Variants in PHF3 observed in about 807,000 individuals in gnomAD.
PHF3 encodes the protein PHD finger protein 3.
A neutral mutation model predicts 178.4 loss-of-function variants in PHF3; 41 were observed. The observed-to-expected ratio is 0.23, with a 90% CI of 0.18 to 0.30. PHF3 has a LOEUF of 0.30. PHF3 is among the 10% of genes least tolerant of loss of function. The pLI, the probability that PHF3 is intolerant of heterozygous loss-of-function variation, is 1.00. For synonymous variants in PHF3, 842 were observed against 800.5 expected (o/e 1.05, Z -0.88); for missense variants, 2,346 against 2,398.1 (o/e 0.98, Z 0.45).
intron 2 of PHF3, among the ~76,000 whole-genome samples, chr6:63,650,130 T>C (rs1268534868): frequency 6.6e-6 from 1 of 152,218 alleles, no homozygotes. Context: ...TTTTACAATA[T>C]AGTTCAACAT....
chr6:63,695,801 T>TTAGA, intron 6 of PHF3, among the ~76,000 whole-genome samples: 1 of 152,070 alleles, frequency 6.6e-6, no homozygotes, highest in Non-Finnish European at 1.5e-5. Context: ...TGCTGATGGG[T>TTAGA]TAGATATAGG....
rs554063816 is a variant in PHF3, at chr6:63,698,307, C to A, written c.2765C>A (p.Pro922His). 1 of 1,612,884 alleles carries A rather than the reference C, an allele frequency of 6.2e-7. No homozygotes were observed. Among genetic ancestry groups the A allele is most frequent in the Non-Finnish European group, 8.5e-7 (1 of 1,179,114 alleles). Reference protein sequence around the residue: ...NVHPAASASKPSADQIRQSVR... With the variant: ...NVHPAASASKHSADQIRQSVR... ...CATCCTGCTGCTTCTGCTTCCAAGCCTTCTGCAGATCAGATCAGGCAAAGT... is the reference window on the plus strand; with the variant it reads ...CATCCTGCTGCTTCTGCTTCCAAGCATTCTGCAGATCAGATCAGGCAAAGT... The change falls in exon 7 of 16, where the codon CCT becomes CAT. Residue 922 changes from proline (P) to histidine (H), a missense_variant. Around this residue, in one of 8 missense-constraint regions of PHF3, gnomAD observed 252 missense variants for 232.0 expected, o/e 1.09. Coordinates refer to ENST00000262043, the MANE Select transcript of PHF3 (RefSeq NM_001370348.2).
At chr6:63,673,015 A>AT (rs954706488) in intron 2 of PHF3, among the ~76,000 whole-genome samples, 44 of 152,246 alleles carry the variant, frequency 2.9e-4, no homozygotes, top group Middle Eastern at 3.4e-3. Context: ...GGGCTGCCTG[A>AT]TTCATGAGTT....
Position 63,713,769 on chromosome 6 carries a change from CAAAA to C in PHF3, c.*62_*65del, listed in dbSNP as rs1224526448. On this transcript the variant is annotated 3_prime_UTR_variant, in exon 16 of 16. Coordinates refer to ENST00000262043, the MANE Select transcript of PHF3 (RefSeq NM_001370348.2). ...CTGTTAAAATGTTGTATCTTGTAAA[CAAAA>C]GAAAGATTGCCTGCTAGGATTGTGC... 4.5e-5 allele frequency: 61 copies of C among 1,343,918 alleles called. No individual in the cohort carries two copies. Among genetic ancestry groups the C allele is most frequent in the Middle Eastern group, 1.9e-4 (1 of 5,302 alleles). The allele number at this position is 1,343,918 out of a possible 1,614,324, so 83.2% of individuals were successfully genotyped here.
intron 1 of PHF3, among the ~76,000 whole-genome samples, chr6:63,642,061 C>CT (rs1327930557): frequency 3.9e-5 from 6 of 152,148 alleles, no homozygotes; most frequent in African/African-American, 1.4e-4. Context: ...GTATAATTCT[C>CT]TGAGAATTAC....
Position 63,723,022 on chromosome 6 carries a change from C to T in PHF3, c.*9314C>T, listed in dbSNP as rs1198055013. On this transcript the variant is annotated 3_prime_UTR_variant, in exon 16 of 16. Transcript: ENST00000262043. ...GTTTGGTTTGGTCCAACAGTTGATT[C>T]CCAGCACCCAAAACGGTATCTGGCC... Among the ~76,000 whole-genome samples, 2 of 152,138 alleles carry T rather than the reference C, an allele frequency of 1.3e-5. No homozygotes were observed. The highest frequency in any genetic ancestry group is 4.8e-5 in the African/African-American group (2 of 41,430).
At position 63,721,494 on chromosome 6, in the gene PHF3, C is replaced by T. The variant is rs2149625131; in HGVS notation, c.*7786C>T. ...ATTTATGATAACTTGTCGGATACAGCCTTGAAAACCTACAGGTTCATTTTC... is the reference window on the plus strand; with the variant it reads ...ATTTATGATAACTTGTCGGATACAGTCTTGAAAACCTACAGGTTCATTTTC... On this transcript the variant is annotated 3_prime_UTR_variant, in exon 16 of 16. Transcript: ENST00000262043. 6.4e-7 allele frequency: 1 copy of T among 1,551,330 alleles called. No homozygotes were observed. Among genetic ancestry groups the T allele is most frequent in the Non-Finnish European group, 8.7e-7 (1 of 1,146,630 alleles).
At position 63,713,397 on chromosome 6, in the gene PHF3, A is replaced by C; in HGVS notation, c.5809A>C (p.Lys1937Gln). ...SHHLKRERHE[K>Q]EWEQESERHR... Reference sequence around the variant, plus strand: ...CCATTTGAAAAGAGAGCGACATGAAAAGGAATGGGAGCAAGAATCTGAAAG... The same window carrying C: ...CCATTTGAAAAGAGAGCGACATGAACAGGAATGGGAGCAAGAATCTGAAAG... The change falls in exon 16 of 16, where the codon AAG becomes CAG. Residue 1937 changes from lysine (K) to glutamine (Q), a missense_variant. By Grantham distance (53) the Lys-to-Gln change is moderately conservative. Transcript: ENST00000262043. The C allele has an allele frequency of 6.2e-7, 1 of 1,614,058 alleles. No homozygotes were observed. The highest frequency in any genetic ancestry group is 8.5e-7 in the Non-Finnish European group (1 of 1,179,988).
chr6:63,656,642 C>G (rs1016468050), intron 2 of PHF3, among the ~76,000 whole-genome samples: 14 of 152,206 alleles, frequency 9.2e-5, no homozygotes, highest in Non-Finnish European at 1.8e-4. Context: ...TCTTCTGTCT[C>G]TGAGCTTTAC....
chr6:63,694,529 C>T, intron 5 of PHF3, 52 bp from the exon 6 acceptor site: 2 of 1,271,606 alleles, frequency 1.6e-6, no homozygotes, highest in Non-Finnish European at 2.1e-6. Flanking sequence ...TCTTAAAAAA[C>T]AAAGATTGTT....
intron 2 of PHF3, among the ~76,000 whole-genome samples, chr6:63,678,486 A>C (rs1009752667): frequency 6.6e-6 from 1 of 152,210 alleles, no homozygotes; most frequent in African/African-American, 2.4e-5. Flanking sequence ...TATAGCAGGA[A>C]ATTTGGAAAA....
chr6:63,685,143 A>C lies in PHF3; in HGVS notation c.1421A>C (p.Gln474Pro). ...TANLQDDRNS[Q>P]SSSVSYLESK... The stretch of plus-strand genomic sequence containing the variant: ...AACCTTCAGGATGACAGAAACAGCC[A>C]GTCAAGTAGCGTTTCTTACTTAGAG... Residue 474 changes from glutamine to proline, a missense_variant, in exon 4 of 16, where the codon CAG (glutamine) becomes CCG (proline). Around this residue, in one of 8 missense-constraint regions of PHF3, gnomAD observed 843 missense variants for 795.2 expected, o/e 1.06. Coordinates refer to ENST00000262043, the MANE Select transcript of PHF3 (RefSeq NM_001370348.2). 1 of 1,614,108 alleles carries C rather than the reference A, an allele frequency of 6.2e-7. No homozygotes were observed. Among genetic ancestry groups the C allele is most frequent in the Non-Finnish European group, 8.5e-7 (1 of 1,180,022 alleles).
In PHF3 at chr6:63,684,120, CT is replaced by C. The variant is rs746928219; in HGVS notation, c.407-8del. The C allele has an allele frequency of 7.2e-6, 11 of 1,523,902 alleles. No individual in the cohort carries two copies. The highest frequency in any genetic ancestry group is 4.8e-5 in the South Asian group (4 of 83,724). The allele number at this position is 1,523,902 out of a possible 1,614,324, so 94.4% of individuals were successfully genotyped here. A position where few individuals can be genotyped will look rare whatever the true frequency, so the allele number is the denominator to read the frequency against. ...AAGTATTTTTATTTATTTTTTCCCC[CT>C]GTGATAGAACAAGTAAGAAGTTTGC... On this transcript the variant is annotated splice_region_variant and splice_polypyrimidine_tract_variant and intron_variant, in intron 3 of 15. Coordinates refer to ENST00000262043, the MANE Select transcript of PHF3 (RefSeq NM_001370348.2).
Position 63,698,541 on chromosome 6 carries a change from C to T in PHF3, c.2918C>T (p.Thr973Ile). 1 of 1,598,682 alleles carries T rather than the reference C, an allele frequency of 6.3e-7. No homozygotes were observed. Among genetic ancestry groups the T allele is most frequent in the Admixed American group, 1.8e-5 (1 of 56,570 alleles). Residue 973 changes from threonine to isoleucine, a missense_variant, in exon 8 of 16, where the codon ACA becomes ATA. Physicochemically the swap from Thr to Ile is moderately conservative, Grantham distance 89 (BLOSUM62 -1). Transcript: ENST00000262043. ...EKELFSFFRD[T>I]DAKYKNKYRS... ...GAGCTTTTCTCTTTTTTTCGGGACA[C>T]AGATGCTAAATATAAGAACAAATAT...
At position 63,684,356 on chromosome 6, in the gene PHF3, G is replaced by A; in HGVS notation, c.634G>A (p.Glu212Lys). Residue 212 changes from glutamate (E) to lysine (K), a missense_variant, in exon 4 of 16, where the codon GAA (glutamate) becomes AAA (lysine). Transcript: ENST00000262043. ...TAGCGGACAAATTGAAGTGGTACCTGAAGTATCAGTGTCTTCAAGTCATTC... is the reference window on the plus strand; with the variant it reads ...TAGCGGACAAATTGAAGTGGTACCTAAAGTATCAGTGTCTTCAAGTCATTC... ...RNSGQIEVVP[E>K]VSVSSSHSSV... 6.2e-7 allele frequency: 1 copy of A among 1,613,918 alleles called. No individual in the cohort carries two copies. The highest frequency in any genetic ancestry group is 8.5e-7 in the Non-Finnish European group (1 of 1,179,832).
chr6:63,665,217 A>G (rs956264194), intron 2 of PHF3, among the ~76,000 whole-genome samples: 1 of 152,132 alleles, frequency 6.6e-6, no homozygotes, highest in African/African-American at 2.4e-5. Flanking sequence ...TATCACTAAA[A>G]TATCATTTTA....
At position 63,714,093 on chromosome 6, in the gene PHF3, A is replaced by G. The variant is rs1319130747; in HGVS notation, c.*385A>G. ...TTATATAATGACTAATTTGGGAGTA[A>G]TGTGTGCTCTGTAAGTTTGTTTTAA... On this transcript the variant is annotated 3_prime_UTR_variant, in exon 16 of 16. Coordinates refer to ENST00000262043, the MANE Select transcript of PHF3 (RefSeq NM_001370348.2). 2 of 157,864 alleles carry G rather than the reference A, an allele frequency of 1.3e-5. No homozygotes were observed. Among genetic ancestry groups the G allele is most frequent in the African/African-American group, 4.8e-5 (2 of 41,620 alleles). The allele number at this position is 157,864 out of a possible 1,614,324, so 9.8% of individuals were successfully genotyped here.
At position 63,636,093 on chromosome 6, in the gene PHF3, G is replaced by GGCA. The variant is rs1581976343; in HGVS notation, c.-80_-78dup. The stretch of plus-strand genomic sequence containing the variant: ...CCCCCTCCTCCTCCTCTTCGGCGGC[G>GGCA]GCAGCGTCCACCATCTTCCTCTTGC... On this transcript the variant is annotated 5_prime_UTR_variant, in exon 1 of 16. Coordinates refer to ENST00000262043, the MANE Select transcript of PHF3 (RefSeq NM_001370348.2). 2 of 392,450 alleles carry GGCA rather than the reference G, an allele frequency of 5.1e-6. No homozygotes were observed. Among genetic ancestry groups the GGCA allele is most frequent in the East Asian group, 7.2e-5 (2 of 27,756 alleles). The allele number at this position is 392,450 out of a possible 1,614,324, so 24.3% of individuals were successfully genotyped here. A position where few individuals can be genotyped will look rare whatever the true frequency, so the allele number is the denominator to read the frequency against.
chr6:63,678,873 G>C (rs1418934153), intron 2 of PHF3: 1 of 450,284 alleles, frequency 2.2e-6, no homozygotes, highest in Admixed American at 2.4e-5. Context: ...AGTTCTACTT[G>C]GACACAAAGA....
Sources: gnomAD v4.1 joint callset for allele counts (sites outside exome capture counted in the v4.1 genomes callset) on GRCh38, gnomAD v4.1.1 for gene constraint, gnomAD v4.1.1 regional missense constraint, MANE v1.5 for transcripts, NCBI Gene and HGNC (gene_info 2026-07-23, HGNC 2026-07-21) for gene names.